KCNQ5: variants seen among roughly 807,000 people sequenced by gnomAD.
KCNQ5 encodes potassium voltage-gated channel subfamily Q member 5, also known as potassium voltage-gated channel subfamily KQT member 5.
Under a neutral mutation model 98.2 loss-of-function variants are expected in KCNQ5, and 30 were observed. That is an observed-to-expected ratio of 0.31 (90% CI 0.23 to 0.41). KCNQ5 has a LOEUF of 0.41. Among genes scored for constraint, KCNQ5 ranks in the 10% least tolerant of loss-of-function variants. The pLI, the probability that KCNQ5 is intolerant of heterozygous loss-of-function variation, is 1.00. For missense variants in KCNQ5, 835 were observed against 1,182.5 expected (o/e 0.71, Z 4.31); for synonymous variants, 458 against 449.4 (o/e 1.02, Z -0.24).
chr6:72,933,592 C>T (rs1421523810), intron 1 of KCNQ5, among the ~76,000 whole-genome samples: 7 of 152,174 alleles, frequency 4.6e-5, no homozygotes, highest in Non-Finnish European at 8.8e-5. Flanking sequence ...TTCAAATTAG[C>T]TCTAGTGAGT....
chr6:73,031,276 C>T (rs1403668569), intron 2 of KCNQ5, among the ~76,000 whole-genome samples: 1 of 152,134 alleles, frequency 6.6e-6, no homozygotes, highest in African/African-American at 2.4e-5. Context: ...TACTGTCCTC[C>T]AGCTTACATT....
At chr6:72,887,656 A>T (rs527411133) in intron 1 of KCNQ5, among the ~76,000 whole-genome samples, 4 of 152,224 alleles carry the variant, frequency 2.6e-5, no homozygotes, top group African/African-American at 4.8e-5. Flanking sequence ...TTGTGTTCAG[A>T]GGTCCTTGTA....
chr6:72,697,615 G>A (rs989018719), intron 1 of KCNQ5, among the ~76,000 whole-genome samples: 1 of 152,150 alleles, frequency 6.6e-6, no homozygotes, highest in Non-Finnish European at 1.5e-5. Context: ...CAAGGCAGGA[G>A]TGATGAAGAA....
At chr6:73,078,023 C>G (rs1773604979) in intron 5 of KCNQ5, 136 bp downstream of exon 5, 2 of 670,982 alleles carry the variant, frequency 3.0e-6, no homozygotes, top group East Asian at 3.0e-5. Flanking sequence ...ATAAATACTA[C>G]TTATTATTGT....
chr6:72,933,144 G>C (rs974266040), intron 1 of KCNQ5, among the ~76,000 whole-genome samples: 16 of 152,102 alleles, frequency 1.1e-4, no homozygotes. Context: ...TTTGGAGTAT[G>C]ATAAATTAAA....
At chr6:72,713,509 T>G (rs948368581) in intron 1 of KCNQ5, among the ~76,000 whole-genome samples, 13 of 152,174 alleles carry the variant, frequency 8.5e-5, no homozygotes, top group African/African-American at 3.1e-4. Flanking sequence ...CATAGAATGA[T>G]TTGCGTTTTC....
intron 1 of KCNQ5, among the ~76,000 whole-genome samples, chr6:72,998,535 A>G (rs1158619504): frequency 6.6e-6 from 1 of 152,024 alleles, no homozygotes; most frequent in Admixed American, 6.6e-5. Flanking sequence ...GGAGATCGAG[A>G]CCATCCTGGC....
chr6:72,946,066 G>A (rs1766531500), intron 1 of KCNQ5, among the ~76,000 whole-genome samples: 1 of 152,058 alleles, frequency 6.6e-6, no homozygotes, highest in Non-Finnish European at 1.5e-5. Context: ...GTCTTCTCAC[G>A]AACCACAGTA....
At chr6:73,157,766 G>A in intron 10 of KCNQ5, 1 of 778,688 alleles carries the variant, frequency 1.3e-6, no homozygotes, top group Non-Finnish European at 2.4e-6. Context: ...TCCTAGGTGG[G>A]GTGCATGTTG....
intron 1 of KCNQ5, among the ~76,000 whole-genome samples, chr6:72,720,220 A>G (rs1769880293): frequency 6.6e-6 from 1 of 152,216 alleles, no homozygotes; most frequent in Admixed American, 6.5e-5. Flanking sequence ...ATAAGTGCAC[A>G]GTCCACTTAA....
intron 1 of KCNQ5, among the ~76,000 whole-genome samples, chr6:72,913,871 A>C (rs1416214600): frequency 6.6e-6 from 1 of 152,244 alleles, no homozygotes; most frequent in South Asian, 2.1e-4. Flanking sequence ...AAGAGTGGAC[A>C]GTCCTGAGAA....
At chr6:72,962,447 A>G (rs1281157884) in intron 1 of KCNQ5, among the ~76,000 whole-genome samples, 3 of 151,730 alleles carry the variant, frequency 2.0e-5, no homozygotes, top group East Asian at 1.9e-4. Context: ...ACTACCATAC[A>G]ATTCATCCAT....
chr6:72,736,502 C>CTTTTTTTTTTTTT (rs752921476), intron 1 of KCNQ5, among the ~76,000 whole-genome samples: 16 of 121,018 alleles, frequency 1.3e-4, no homozygotes, highest in African/African-American at 2.9e-4. Context: ...AAAAAGATTT[C>CTTTTTTTTTTTTT]TTTTTTTTTT....
At chr6:72,921,858 A>C (rs1780414783) in intron 1 of KCNQ5, among the ~76,000 whole-genome samples, 1 of 152,212 alleles carries the variant, frequency 6.6e-6, no homozygotes, top group South Asian at 2.1e-4. Flanking sequence ...TGAATCACTG[A>C]ACCTAAACCC....
intron 5 of KCNQ5, among the ~76,000 whole-genome samples, chr6:73,089,314 T>G (rs777529884): frequency 1.3e-5 from 2 of 150,156 alleles, no homozygotes; most frequent in African/African-American, 5.1e-5. Context: ...TAGGAAACAG[T>G]TGGTAGGGAA....
At chr6:72,691,650 A>AC (rs1285841328) in intron 1 of KCNQ5, among the ~76,000 whole-genome samples, 1 of 152,212 alleles carries the variant, frequency 6.6e-6, no homozygotes, top group Non-Finnish European at 1.5e-5. Context: ...AAATAAGAAA[A>AC]AGAATTACTA....
Position 73,157,856 on chromosome 6 carries a change from G to C in KCNQ5, c.1469-11890G>C. The C allele has an allele frequency of 6.4e-6, 5 of 779,326 alleles. No individual in the cohort carries two copies. In the South Asian group the frequency reaches 6.7e-5, roughly 10 times the overall value. The allele number at this position is 779,326 out of a possible 1,614,324, so 48.3% of individuals were successfully genotyped here. On this transcript the variant is annotated intron_variant, in intron 10 of 13. Coordinates refer to ENST00000370398, the MANE Select transcript of KCNQ5 (RefSeq NM_019842.4). ...GCAAACTCTAGCCTCATGATCTGTG[G>C]GTTTTCGGGATCTAAGCGAATATCG... is the stretch of plus-strand genomic sequence containing the variant.
At chr6:72,818,704 CAG>C (rs1163994533) in intron 1 of KCNQ5, among the ~76,000 whole-genome samples, 1 of 151,098 alleles carries the variant, frequency 6.6e-6, no homozygotes, top group African/African-American at 2.4e-5. Context: ...CTTTTAATAA[CAG>C]AATTACTAAA....
chr6:72,973,939 G>T (rs891292315), intron 1 of KCNQ5, among the ~76,000 whole-genome samples: 1 of 152,042 alleles, frequency 6.6e-6, no homozygotes, highest in Non-Finnish European at 1.5e-5. Flanking sequence ...ATTTATTTTT[G>T]AATGATAACC....
Sources: gnomAD v4.1 joint callset for allele counts (sites outside exome capture counted in the v4.1 genomes callset) on GRCh38, gnomAD v4.1.1 for gene constraint, MANE v1.5 for transcripts, NCBI Gene and HGNC (gene_info 2026-07-23, HGNC 2026-07-21) for gene names.